Variants in BRSK2 observed in about 807,000 individuals in gnomAD.
BRSK2 encodes serine/threonine-protein kinase BRSK2.
In BRSK2, 19 loss-of-function variants were observed where a neutral mutation model predicts 83.3. That is an observed-to-expected ratio of 0.23 (90% CI 0.16 to 0.33). The LOEUF is 0.33. Among genes scored for constraint, BRSK2 ranks in the 10% least tolerant of loss-of-function variants. The probability of loss-of-function intolerance (pLI) is 1.00; values close to 1 mark genes in which losing one functional copy is unlikely to be tolerated. For synonymous variants in BRSK2, 519 were observed against 435.4 expected (o/e 1.19, Z -2.39); for missense variants, 798 against 1,042.3 (o/e 0.77, Z 3.23).
At chr11:1,427,468 C>T (rs950177690) in intron 1 of BRSK2, among the ~76,000 whole-genome samples, 1 of 152,168 alleles carries the variant, frequency 6.6e-6, no homozygotes, top group Non-Finnish European at 1.5e-5. Flanking sequence ...TCCCTGAGGC[C>T]CAGCATCCTC....
chr11:1,427,506 G>T (rs1849377836), intron 1 of BRSK2, among the ~76,000 whole-genome samples: 1 of 152,184 alleles, frequency 6.6e-6, no homozygotes, highest in Non-Finnish European at 1.5e-5. Context: ...TCCCTGGGAT[G>T]CCCTGGGGCT....
At position 1,454,883 on chromosome 11, in the gene BRSK2, A is replaced by G. The variant is rs367888036; in HGVS notation, c.1668+275A>G. 3.9e-5 allele frequency among the ~76,000 whole-genome samples: 6 copies of G among 152,130 alleles called. 1 individual carries two copies. The South Asian group carries it at 1.2e-3, about 31-fold the overall frequency. ...CCCAGCAGCCCTAGGTGTGTGCCGG[A>G]CAGGCCTGGGCAGCTGGCACGTGGG... On this transcript the variant is annotated intron_variant, in intron 16 of 19. Transcript: ENST00000528841. The surrounding 1 kb of genome is among the most constrained non-coding windows in gnomAD (Gnocchi z 5.2).
chr11:1,408,651 G>A (rs1444939003), intron 1 of BRSK2, among the ~76,000 whole-genome samples: 1 of 152,184 alleles, frequency 6.6e-6, no homozygotes, highest in Non-Finnish European at 1.5e-5. Context: ...CAGGGTTCAC[G>A]TCGGAACCCT....
intron 1 of BRSK2, chr11:1,411,236 T>G: frequency 7.9e-7 from 1 of 1,266,880 alleles, no homozygotes; most frequent in Non-Finnish European, 9.9e-7. Context: ...GCTCTGAGCT[T>G]CCTTCCTCAC....
At chr11:1,451,471 G>T in intron 15 of BRSK2, 52 bp downstream of exon 15, 1 of 1,590,858 alleles carries the variant, frequency 6.3e-7, no homozygotes, top group South Asian at 1.1e-5. Flanking sequence ...GGCTGGCCGG[G>T]AGAGGGGCAT....
chr11:1,456,745 G>A (rs937965509), intron 18 of BRSK2, 58 bp downstream of exon 18: 11 of 1,521,892 alleles, frequency 7.2e-6, no homozygotes, highest in African/African-American at 5.5e-5. Flanking sequence ...TGGCCAGCTG[G>A]TGCTGCGCGG....
intron 8 of BRSK2, among the ~76,000 whole-genome samples, chr11:1,444,230 C>T (rs1851723918): frequency 6.6e-6 from 1 of 152,132 alleles, no homozygotes; most frequent in Non-Finnish European, 1.5e-5. Flanking sequence ...CTGCTGAGTG[C>T]CCCCAGCAGC....
At chr11:1,410,749 CAG>C in intron 1 of BRSK2, 2 of 985,460 alleles carry the variant, frequency 2.0e-6, no homozygotes, top group Non-Finnish European at 2.4e-6. Context: ...CCTCCATTCT[CAG>C]GGGCTGGGGG....
intron 5 of BRSK2, among the ~76,000 whole-genome samples, 156 bp from the exon 6 acceptor site, chr11:1,442,950 C>T (rs1851554363): frequency 6.6e-6 from 1 of 152,140 alleles, no homozygotes; most frequent in African/African-American, 2.4e-5. Context: ...ACCTTGATCT[C>T]CTCCCAAAAG....
chr11:1,460,678 C>A lies in BRSK2; in HGVS notation c.2166C>A (p.Asp722Glu). Residue 722 changes from aspartate to glutamate, a missense_variant, in exon 20 of 20, where the codon GAC becomes GAA. Transcript: ENST00000528841. ...ACGCCGAGTACCCAACGGGCAAGGA[C>A]ACGGCCAAGATGGGCCCGCCCACCG... ...GGDAEYPTGK[D>E]TAKMGPPTAR... is the part of the protein sequence containing the mutation. 1 of 1,522,210 alleles carries A rather than the reference C, an allele frequency of 6.6e-7. No homozygotes were observed. The highest frequency in any genetic ancestry group is 2.1e-4 in the Middle Eastern group (1 of 4,778). The allele number at this position is 1,522,210 out of a possible 1,614,324, so 94.3% of individuals were successfully genotyped here. A position where few individuals can be genotyped will look rare whatever the true frequency, so the allele number is the denominator to read the frequency against.
intron 18 of BRSK2, 106 bp downstream of exon 18, chr11:1,456,793 CCT>C: frequency 1.5e-6 from 2 of 1,347,712 alleles, no homozygotes; most frequent in Non-Finnish European, 2.0e-6. Flanking sequence ...CCTCCTGGCC[CCT>C]CTTGACGGAC....
At chr11:1,443,298 C>G (rs530285474) in intron 6 of BRSK2, 37 bp from the exon 7 acceptor site, 2 of 1,581,364 alleles carry the variant, frequency 1.3e-6, no homozygotes, top group South Asian at 1.2e-5. Flanking sequence ...CCGCCCTGCC[C>G]TGCGCCCCCC....
chr11:1,405,396 C>G (rs1395699665), intron 1 of BRSK2, among the ~76,000 whole-genome samples: 1 of 152,094 alleles, frequency 6.6e-6, no homozygotes, highest in Non-Finnish European at 1.5e-5. Flanking sequence ...GCCAGCCTTG[C>G]CCAGCCTTCC....
chr11:1,443,096 T>C lies in BRSK2; in HGVS notation c.531-10T>C, dbSNP rs1025849661. On this transcript the variant is annotated splice_polypyrimidine_tract_variant and intron_variant, in intron 5 of 19. Coordinates refer to ENST00000528841, the MANE Select transcript of BRSK2 (RefSeq NM_001256627.2). The stretch of plus-strand genomic sequence containing the variant: ...GGAGCCCCGCCGCTGACCTCTGCCC[T>C]TGCCCGCAGGTCCCCCCACTACGCC... 40 of 1,534,036 alleles carry C rather than the reference T, an allele frequency of 2.6e-5. No homozygotes were observed. The highest frequency in any genetic ancestry group is 3.5e-5 in the Non-Finnish European group (40 of 1,145,728).
chr11:1,448,169 C>G (rs1488881521), intron 12 of BRSK2, among the ~76,000 whole-genome samples: 1 of 152,206 alleles, frequency 6.6e-6, no homozygotes, highest in South Asian at 2.1e-4. Flanking sequence ...TGTGCTGTGT[C>G]CGGTGGGCCT....
chr11:1,415,730 A>G (rs1397980570), intron 1 of BRSK2, among the ~76,000 whole-genome samples: 1 of 152,178 alleles, frequency 6.6e-6, no homozygotes, highest in Admixed American at 6.5e-5. Flanking sequence ...CATAGAATTC[A>G]CTGGCTTGGA....
At chr11:1,416,295 T>G (rs1848091088) in intron 1 of BRSK2, among the ~76,000 whole-genome samples, 2 of 152,326 alleles carry the variant, frequency 1.3e-5, no homozygotes, top group South Asian at 4.1e-4. Context: ...AGGACGTCCT[T>G]CCAGCCACAC....
At chr11:1,457,858 C>G (rs1359237005) in intron 18 of BRSK2, among the ~76,000 whole-genome samples, 2 of 152,152 alleles carry the variant, frequency 1.3e-5, no homozygotes, top group African/African-American at 2.4e-5. Flanking sequence ...CCCAACAGCC[C>G]TGGCCCTAAC....
chr11:1,444,405 C>T (rs1244832789), intron 8 of BRSK2, among the ~76,000 whole-genome samples: 1 of 152,170 alleles, frequency 6.6e-6, no homozygotes, highest in Non-Finnish European at 1.5e-5. Context: ...GCCACTGCCT[C>T]ACACCCCACG....
Sources: allele counts gnomAD v4.1 joint callset (sites outside exome capture counted in the v4.1 genomes callset), GRCh38; gene constraint gnomAD v4.1.1; non-coding constraint Gnocchi (gnomAD v3.1); transcripts MANE v1.5; gene names NCBI Gene and HGNC (gene_info 2026-07-23, HGNC 2026-07-21).